The following PLD6 variants were observed in gnomAD, a reference collection of about 807,000 sequenced individuals.
PLD6 encodes mitochondrial cardiolipin hydrolase.
In PLD6, 10 loss-of-function variants were observed where a neutral mutation model predicts 9.7. The ratio of observed to expected loss-of-function variants is 1.03; its 90% CI spans 0.64 to 1.75. PLD6 has a LOEUF of 1.75. PLD6 is among the 40% of genes most tolerant of loss of function. The pLI is 0.00. For missense variants in PLD6, 334 were observed against 347.6 expected, an observed-to-expected ratio of 0.96 and a Z score of 0.31; for synonymous variants, 152 against 159.2, an observed-to-expected ratio of 0.96 and a Z score of 0.34.
In PLD6 at chr17:17,201,411, G is replaced by A. The variant is rs747760624; in HGVS notation, c.*1356C>T. 3 of 152,218 alleles carry A rather than the reference G, an allele frequency of 2.0e-5. No homozygotes were observed. The highest frequency in any genetic ancestry group is 4.4e-5 in the Non-Finnish European group (3 of 68,052). 9.4% of individuals were successfully genotyped at this position (152,218 alleles called of 1,614,324 possible). ...ACTTCAGATGTCATCGGAGCTATCT[G>A]TATATGACACACACATTATAAACAA... On this transcript the variant is annotated 3_prime_UTR_variant, in exon 2 of 2. Coordinates refer to ENST00000321560, the MANE Select transcript of PLD6 (RefSeq NM_178836.4).
In PLD6 at chr17:17,206,293, G is replaced by A. The variant is rs746409001; in HGVS notation, c.-7C>T. On this transcript the variant is annotated 5_prime_UTR_variant, in exon 1 of 2. Coordinates refer to ENST00000321560, the MANE Select transcript of PLD6 (RefSeq NM_178836.4). ...GCCAACTCAACCGTCCCATGCCGCC[G>A]CTAATCCGGGACCCACAGCCACGCC... is the stretch of plus-strand genomic sequence containing the variant. 3.9e-6 allele frequency: 6 copies of A among 1,524,272 alleles called. No individual in the cohort carries two copies. Among genetic ancestry groups the A allele is most frequent in the African/African-American group, 2.9e-5 (2 of 69,886 alleles). The allele number at this position is 1,524,272 out of a possible 1,614,324, so 94.4% of individuals were successfully genotyped here. A position where few individuals can be genotyped will look rare whatever the true frequency, so the allele number is the denominator to read the frequency against.
At position 17,201,817 on chromosome 17, in the gene PLD6, T is replaced by A. The variant is rs958251393; in HGVS notation, c.*950A>T. 1 of 151,430 alleles carries A rather than the reference T, an allele frequency of 6.6e-6. No individual in the cohort carries two copies. The highest frequency in any genetic ancestry group is 2.1e-4 in the South Asian group (1 of 4,788). 9.4% of individuals were successfully genotyped at this position (151,430 alleles called of 1,614,324 possible). On this transcript the variant is annotated 3_prime_UTR_variant, in exon 2 of 2. Transcript: ENST00000321560. Reference sequence around the variant, plus strand: ...CAACATGGTGAAACCCTGTCTCTACTAAAAATACCAAAAAAAAAATCAGCC... The same window carrying A: ...CAACATGGTGAAACCCTGTCTCTACAAAAAATACCAAAAAAAAAATCAGCC...
At chr17:17,205,694 G>C (rs2046712728) in intron 1 of PLD6, among the ~76,000 whole-genome samples, 166 bp downstream of exon 1, 1 of 152,196 alleles carries the variant, frequency 6.6e-6, no homozygotes, top group Non-Finnish European at 1.5e-5. Flanking sequence ...CTTCTGTGGG[G>C]GCTCTGCTTT....
rs538478121 is a variant in PLD6, at chr17:17,203,561, C to T, written c.428-463G>A. Among the ~76,000 whole-genome samples, 25 of 141,286 alleles carry T rather than the reference C, an allele frequency of 1.8e-4. No homozygotes were observed. In the South Asian group the frequency reaches 2.4e-3, roughly 13 times the overall value. The allele number at this position is 141,286 out of a possible 152,430, so 92.7% of individuals were successfully genotyped here. A position where few individuals can be genotyped will look rare whatever the true frequency, so the allele number is the denominator to read the frequency against. ...AGAGCCCAATTTGCTGGCACAACCT[C>T]GGCCACCAAGGCAGGAAGGGCCCTA... On this transcript the variant is annotated intron_variant, in intron 1 of 1. Coordinates refer to ENST00000321560, the MANE Select transcript of PLD6 (RefSeq NM_178836.4).
At chr17:17,205,827 C>A in intron 1 of PLD6, 33 bp downstream of exon 1, 2 of 1,546,414 alleles carry the variant, frequency 1.3e-6, no homozygotes, top group South Asian at 2.4e-5. Flanking sequence ...TGGGCCAAGC[C>A]GGCCTTCTCC....
In PLD6 at chr17:17,204,925, C is replaced by T. The variant is rs1031903732; in HGVS notation, c.427+935G>A. ...GGCCCAAGTCAACAAGAGGCTATGG[C>T]TGTGCAGAAGGAACAGCGCGGCGGT... is the stretch of plus-strand genomic sequence containing the variant. On this transcript the variant is annotated intron_variant, in intron 1 of 1. Transcript: ENST00000321560. 5.3e-5 allele frequency among the ~76,000 whole-genome samples: 8 copies of T among 152,300 alleles called. No individual in the cohort carries two copies. The South Asian group carries it at 8.3e-4, about 16-fold the overall frequency.
chr17:17,204,485 C>CCTTGTGCT (rs1271202469), intron 1 of PLD6: 1 of 152,122 alleles, frequency 6.6e-6, no homozygotes, highest in African/African-American at 2.4e-5. Flanking sequence ...GGCCTTGTGC[C>CCTTGTGCT]CTTGTGCCCT....
Position 17,202,523 on chromosome 17 carries a change from C to G in PLD6, c.*244G>C. ...TTTCGATTCCAAACCAAGATACGGACCACACTCATGAAAGCACCCCGTGGC... is the reference window on the plus strand; with the variant it reads ...TTTCGATTCCAAACCAAGATACGGAGCACACTCATGAAAGCACCCCGTGGC... On this transcript the variant is annotated 3_prime_UTR_variant, in exon 2 of 2. Transcript: ENST00000321560. The G allele has an allele frequency of 1.9e-6, 1 of 529,996 alleles. No individual in the cohort carries two copies. Among genetic ancestry groups the G allele is most frequent in the Non-Finnish European group, 3.4e-6 (1 of 295,506 alleles). 32.8% of individuals were successfully genotyped at this position (529,996 alleles called of 1,614,324 possible).
In PLD6 at chr17:17,202,519, C is replaced by T. The variant is rs946912865; in HGVS notation, c.*248G>A. The T allele has an allele frequency of 9.6e-5, 49 of 509,706 alleles. No homozygotes were observed. The highest frequency in any genetic ancestry group is 5.1e-4 in the East Asian group (15 of 29,500). The allele number at this position is 509,706 out of a possible 1,614,324, so 31.6% of individuals were successfully genotyped here. On this transcript the variant is annotated 3_prime_UTR_variant, in exon 2 of 2. Transcript: ENST00000321560. ...GAAGTTTCGATTCCAAACCAAGATA[C>T]GGACCACACTCATGAAAGCACCCCG...
In PLD6 at chr17:17,205,951, C is replaced by G; in HGVS notation, c.336G>C (p.Leu112Phe). ...SSPQLGRAVQ[L>F]LHQRGVRVRV... ...GCACTCGCACCCCACGCTGGTGCAGCAACTGCACGGCGCGGCCCAGCTGCG... is the reference window on the plus strand; with the variant it reads ...GCACTCGCACCCCACGCTGGTGCAGGAACTGCACGGCGCGGCCCAGCTGCG... Residue 112 changes from leucine (L) to phenylalanine (F), a missense_variant, in exon 1 of 2, where the codon TTG (leucine) becomes TTC (phenylalanine). By Grantham distance (22) the Leu-to-Phe change is conservative. Coordinates refer to ENST00000321560, the MANE Select transcript of PLD6 (RefSeq NM_178836.4). 6.4e-7 allele frequency: 1 copy of G among 1,560,950 alleles called. No homozygotes were observed. The highest frequency in any genetic ancestry group is 8.7e-7 in the Non-Finnish European group (1 of 1,153,828).
At chr17:17,204,143 C>A (rs751205627) in intron 1 of PLD6, among the ~76,000 whole-genome samples, 1 of 152,218 alleles carries the variant, frequency 6.6e-6, no homozygotes, top group Non-Finnish European at 1.5e-5. Flanking sequence ...CCTGCCTCCG[C>A]TGGGATCCAC....
In PLD6 at chr17:17,203,259, C is replaced by T. The variant is rs116123204; in HGVS notation, c.428-161G>A. ...GTGGCGGCTAAGCTCCCAGGAGGGA[C>T]GCTGAGAACCACAGAGGGGACATCA... On this transcript the variant is annotated intron_variant, in intron 1 of 1. Coordinates refer to ENST00000321560, the MANE Select transcript of PLD6 (RefSeq NM_178836.4). Among the ~76,000 whole-genome samples, 947 of 152,288 alleles carry T rather than the reference C, an allele frequency of 6.2e-3. 10 individuals carry two copies. Among genetic ancestry groups the T allele is most frequent in the African/African-American group, 0.021 (886 of 41,554 alleles).
rs771440944 is a variant in PLD6, at chr17:17,206,181, G to C, written c.106C>G (p.Arg36Gly). The C allele has an allele frequency of 6.6e-7, 1 of 1,511,406 alleles. No homozygotes were observed. The highest frequency in any genetic ancestry group is 8.8e-7 in the Non-Finnish European group (1 of 1,138,002). 93.6% of individuals were successfully genotyped at this position (1,511,406 alleles called of 1,614,324 possible). A position where few individuals can be genotyped will look rare whatever the true frequency, so the allele number is the denominator to read the frequency against. The change falls in exon 1 of 2, where the codon CGG (arginine) becomes GGG (glycine). Residue 36 changes from arginine to glycine, a missense_variant. Physicochemically the swap from Arg to Gly is moderately radical, Grantham distance 125. Transcript: ENST00000321560. Reference sequence around the variant, plus strand: ...AAGAACAGCGCCTCGCGCCGCGGCCGCCGCCGCCTGGACCGCAGCCAGCGC... The same window carrying C: ...AAGAACAGCGCCTCGCGCCGCGGCCCCCGCCGCCTGGACCGCAGCCAGCGC... ...VLRWLRSRRRRPRREALFFPS... is the reference protein window; with the variant it reads ...VLRWLRSRRRGPRREALFFPS...
At chr17:17,204,225 AG>A (rs754849561) in intron 1 of PLD6, among the ~76,000 whole-genome samples, 40 of 152,238 alleles carry the variant, frequency 2.6e-4, no homozygotes, top group Non-Finnish European at 4.3e-4. Context: ...CTTCCTCAAA[AG>A]GAAGTCAGTC....
rs772848251 is a variant in PLD6, at chr17:17,206,150, G to C, written c.137C>G (p.Ser46Cys). 8.4e-5 allele frequency: 127 copies of C among 1,504,414 alleles called. No individual in the cohort carries two copies. The highest frequency in any genetic ancestry group is 1.1e-4 in the Non-Finnish European group (125 of 1,133,762). The allele number at this position is 1,504,414 out of a possible 1,614,324, so 93.2% of individuals were successfully genotyped here. Reference sequence around the variant, plus strand: ...CAGGGCCTCGGTACAGGTCACCTGAGACGGGAAGAACAGCGCCTCGCGCCG... The same window carrying C: ...CAGGGCCTCGGTACAGGTCACCTGACACGGGAAGAACAGCGCCTCGCGCCG... Reference protein sequence around the residue: ...RPRREALFFPSQVTCTEALLR... With the variant: ...RPRREALFFPCQVTCTEALLR... The change falls in exon 1 of 2, where the codon TCT becomes TGT. Residue 46 changes from serine (S) to cysteine (C), a missense_variant. Coordinates refer to ENST00000321560, the MANE Select transcript of PLD6 (RefSeq NM_178836.4).
chr17:17,204,149 T>G (rs115156909), intron 1 of PLD6, among the ~76,000 whole-genome samples: 3,731 of 152,250 alleles, frequency 0.025, 127 homozygotes, highest in African/African-American at 0.077. Flanking sequence ...TCCGCTGGGA[T>G]CCACTGCCCA....
Position 17,202,673 on chromosome 17 carries a change from C to G in PLD6, c.*94G>C. Reference sequence around the variant, plus strand: ...TAGTTCAATTTAGTATTCTAATAGACGAGACTTTAGTTTAACGATTTTTTT... The same window carrying G: ...TAGTTCAATTTAGTATTCTAATAGAGGAGACTTTAGTTTAACGATTTTTTT... On this transcript the variant is annotated 3_prime_UTR_variant, in exon 2 of 2. Coordinates refer to ENST00000321560, the MANE Select transcript of PLD6 (RefSeq NM_178836.4). 8.3e-7 allele frequency: 1 copy of G among 1,211,912 alleles called. No homozygotes were observed. The highest frequency in any genetic ancestry group is 1.5e-5 in the South Asian group (1 of 67,312). 75.1% of individuals were successfully genotyped at this position (1,211,912 alleles called of 1,614,324 possible). A position where few individuals can be genotyped will look rare whatever the true frequency, so the allele number is the denominator to read the frequency against.
At chr17:17,205,814 G>A in intron 1 of PLD6, 46 bp downstream of exon 1, 1 of 1,539,308 alleles carries the variant, frequency 6.5e-7, no homozygotes, top group Non-Finnish European at 8.7e-7. Flanking sequence ...CTAGGACCCC[G>A]CGTGGGCCAA....
In PLD6 at chr17:17,204,777, GAGA is replaced by G. The variant is rs534833428; in HGVS notation, c.427+1080_427+1082del. On this transcript the variant is annotated intron_variant, in intron 1 of 1. Coordinates refer to ENST00000321560, the MANE Select transcript of PLD6 (RefSeq NM_178836.4). ...GGACAGCTCTTGTGGCTGCCCCAAA[GAGA>G]AGGAGACATCCTCAATATGAAAACC... Among the ~76,000 whole-genome samples, 422 of 152,292 alleles carry G rather than the reference GAGA, an allele frequency of 2.8e-3. 2 individuals carry two copies. Among genetic ancestry groups the G allele is most frequent in the African/African-American group, 9.1e-3 (377 of 41,558 alleles).
Sources: gnomAD v4.1 joint callset for allele counts (sites outside exome capture counted in the v4.1 genomes callset) on GRCh38, gnomAD v4.1.1 for gene constraint, MANE v1.5 for transcripts, NCBI Gene and HGNC (gene_info 2026-07-23, HGNC 2026-07-21) for gene names.